ZNF564: variants seen among roughly 807,000 people sequenced by gnomAD.
The protein encoded by ZNF564 is zinc finger protein 564.
Under a neutral mutation model 10.5 loss-of-function variants are expected in ZNF564, and 5 were observed. The ratio of observed to expected loss-of-function variants is 0.48; its 90% CI spans 0.25 to 1.00. ZNF564 has a LOEUF of 1.00. Ranked by LOEUF, ZNF564 falls within the 50% of genes least tolerant of loss-of-function variation. The pLI is 0.16. For synonymous variants in ZNF564, 242 were observed against 218.1 expected (o/e 1.11, Z -0.97); for missense variants, 603 against 669.7 (o/e 0.90, Z 1.10).
chr19:12,528,361 T>A lies in ZNF564; in HGVS notation c.134A>T (p.Lys45Ile). The A allele has an allele frequency of 1.2e-6, 2 of 1,604,626 alleles. No homozygotes were observed. Among genetic ancestry groups the A allele is most frequent in the Non-Finnish European group, 1.7e-6 (2 of 1,177,944 alleles). Reference sequence around the variant, plus strand: ...TTCAATGCTCTGGTCTTCCCATTTTTTTCCTAAAATATAGTCAGAAAAAAT... The same window carrying A: ...TTCAATGCTCTGGTCTTCCCATTTTATTCCTAAAATATAGTCAGAAAAAAT... Reference protein sequence around the residue: ...ETFRNLACVGKKWEDQSIEDW... With the variant: ...ETFRNLACVGIKWEDQSIEDW... Residue 45 changes from lysine (K) to isoleucine (I), a missense_variant, in exon 3 of 4, where the codon AAA becomes ATA. Physicochemically the swap from Lys to Ile is moderately radical, Grantham distance 102. Coordinates refer to ENST00000339282, the MANE Select transcript of ZNF564 (RefSeq NM_144976.4).
At chr19:12,528,537 A>C (rs576726800) in intron 2 of ZNF564, 33 bp downstream of exon 2, 2 of 1,607,914 alleles carry the variant, frequency 1.2e-6, no homozygotes, top group South Asian at 2.2e-5. Flanking sequence ...TTCTTCTCTA[A>C]CTGACTAAAA....
At chr19:12,544,247 A>G (rs1034154409) in intron 1 of ZNF564, among the ~76,000 whole-genome samples, 1 of 152,106 alleles carries the variant, frequency 6.6e-6, no homozygotes, top group African/African-American at 2.4e-5. Flanking sequence ...CAGGGCATCT[A>G]TGTAGGGTAT....
intron 1 of ZNF564, among the ~76,000 whole-genome samples, chr19:12,544,243 A>C (rs1453677946): frequency 6.6e-6 from 1 of 152,184 alleles, no homozygotes; most frequent in African/African-American, 2.4e-5. Context: ...AAACCAGGGC[A>C]TCTATGTAGG....
chr19:12,549,796 G>T (rs1180199776), intron 1 of ZNF564, among the ~76,000 whole-genome samples: 2 of 152,162 alleles, frequency 1.3e-5, no homozygotes, highest in Non-Finnish European at 2.9e-5. Flanking sequence ...GAGTGACCCA[G>T]GGGTTGATAA....
At chr19:12,539,725 A>C (rs1308509366) in intron 1 of ZNF564, among the ~76,000 whole-genome samples, 2 of 145,208 alleles carry the variant, frequency 1.4e-5, no homozygotes, top group Non-Finnish European at 1.5e-5. Flanking sequence ...CCTGTAATCC[A>C]AGCACTTTGG....
chr19:12,548,407 G>A (rs913695647), intron 1 of ZNF564, among the ~76,000 whole-genome samples: 4 of 151,920 alleles, frequency 2.6e-5, no homozygotes, highest in African/African-American at 7.2e-5. Flanking sequence ...AGTAGAGACC[G>A]GGTTTCACTG....
Position 12,527,861 on chromosome 19 carries a change from C to T in ZNF564, c.247G>A (p.Ala83Thr). The change falls in exon 4 of 4, where the codon GCC becomes ACC. Residue 83 changes from alanine to threonine, a missense_variant. Coordinates refer to ENST00000339282, the MANE Select transcript of ZNF564 (RefSeq NM_144976.4). ...ESKEYDQCGE[A>T]FSQILNLNLN... ...TTAAGATTGAGAATCTGACTGAAGG[C>T]TTCTCCACATTGATCATATTCTTTA... is the stretch of plus-strand genomic sequence containing the variant. 1 of 1,613,728 alleles carries T rather than the reference C, an allele frequency of 6.2e-7. No homozygotes were observed. The highest frequency in any genetic ancestry group is 1.7e-4 in the Middle Eastern group (1 of 6,060).
intron 1 of ZNF564, among the ~76,000 whole-genome samples, chr19:12,536,706 A>T (rs1035043729): frequency 2.0e-5 from 3 of 152,084 alleles, no homozygotes; most frequent in Admixed American, 2.0e-4. Context: ...TTCGTATAAG[A>T]TATGTATTGG....
Position 12,526,709 on chromosome 19 carries a change from G to C in ZNF564, c.1399C>G (p.His467Asp). Reference protein sequence around the residue: ...AFDCPSSVRTHERTHTGEKPY... With the variant: ...AFDCPSSVRTDERTHTGEKPY... ...TTTTCTCCAGTATGAGTTCTTTCAT[G>C]TGTTCGGACAGAACTAGGACAGTCA... is the stretch of plus-strand genomic sequence containing the variant. The change falls in exon 4 of 4, where the codon CAT (histidine) becomes GAT (aspartate). Residue 467 changes from histidine to aspartate, a missense_variant. Transcript: ENST00000339282. The C allele has an allele frequency of 6.2e-7, 1 of 1,614,152 alleles. No individual in the cohort carries two copies. The highest frequency in any genetic ancestry group is 1.1e-5 in the South Asian group (1 of 91,088).
At chr19:12,551,253 G>A in intron 1 of ZNF564, 77 bp downstream of exon 1, 1 of 1,511,816 alleles carries the variant, frequency 6.6e-7, no homozygotes. Flanking sequence ...GGAGGCCAGG[G>A]TGCTTCCACA....
chr19:12,527,613 A>C lies in ZNF564; in HGVS notation c.495T>G (p.Gly165=). The C allele has an allele frequency of 5.0e-6, 8 of 1,613,892 alleles. No individual in the cohort carries two copies. The highest frequency in any genetic ancestry group is 6.8e-6 in the Non-Finnish European group (8 of 1,179,944). Residue 165 remains glycine, a synonymous_variant, in exon 4 of 4, where the codon GGT becomes GGG. Coordinates refer to ENST00000339282, the MANE Select transcript of ZNF564 (RefSeq NM_144976.4). ...ATTCCGGACATGCATAGGGTTTCTC[A>C]CCAGTGTGAGTTCTTTCATGTCTTC... ...SFRRHERTHT[G]EKPYACPECG... is the part of the protein sequence containing the mutation.
At position 12,551,233 on chromosome 19, in the gene ZNF564, G is replaced by A. The variant is rs868472057; in HGVS notation, c.3+97C>T. 5.7e-5 allele frequency: 80 copies of A among 1,397,930 alleles called. 3 individuals carry two copies. In the Middle Eastern group the frequency reaches 5.3e-3, roughly 92 times the overall value. 86.6% of individuals were successfully genotyped at this position (1,397,930 alleles called of 1,614,324 possible). ...GGGAACTCGGGTCCCAGACCCTGGA[G>A]TCGCTGCAGGGAGGCCAGGGTGCTT... is the stretch of plus-strand genomic sequence containing the variant. On this transcript the variant is annotated intron_variant, in intron 1 of 3. Coordinates refer to ENST00000339282, the MANE Select transcript of ZNF564 (RefSeq NM_144976.4).
chr19:12,532,572 T>A (rs918703616), intron 1 of ZNF564, among the ~76,000 whole-genome samples: 5 of 149,122 alleles, frequency 3.4e-5, no homozygotes, highest in African/African-American at 7.4e-5. Context: ...ATTTTTTTTT[T>A]AATTAACCAG....
At position 12,526,572 on chromosome 19, in the gene ZNF564, T is replaced by C. The variant is rs949222177; in HGVS notation, c.1536A>G (p.Lys512=). The C allele has an allele frequency of 6.2e-7, 1 of 1,614,164 alleles. No individual in the cohort carries two copies. Among genetic ancestry groups the C allele is most frequent in the Non-Finnish European group, 8.5e-7 (1 of 1,180,036 alleles). ...EKPYECKQCG[K]TFSYSSSFQR... is the part of the protein sequence containing the mutation. ...GAAAGGAACTGGAATAACTGAACGT[T>C]TTTCCACATTGCTTACATTCATAGG... The change falls in exon 4 of 4, where the codon AAA becomes AAG. Residue 512 remains lysine, a synonymous_variant. Coordinates refer to ENST00000339282, the MANE Select transcript of ZNF564 (RefSeq NM_144976.4).
chr19:12,541,190 G>A (rs1568265827), intron 1 of ZNF564, among the ~76,000 whole-genome samples: 1 of 151,228 alleles, frequency 6.6e-6, no homozygotes, highest in Non-Finnish European at 1.5e-5. Context: ...AGTCTAGGCT[G>A]CAGTGAGCCA....
At chr19:12,538,166 A>G (rs1214839640) in intron 1 of ZNF564, among the ~76,000 whole-genome samples, 1 of 152,054 alleles carries the variant, frequency 6.6e-6, no homozygotes, top group African/African-American at 2.4e-5. Context: ...TTACACTGTT[A>G]ATATATAAAT....
intron 1 of ZNF564, among the ~76,000 whole-genome samples, chr19:12,539,033 G>C (rs1340995543): frequency 6.6e-6 from 1 of 150,378 alleles, no homozygotes; most frequent in African/African-American, 2.4e-5. Context: ...TTCAAGACCA[G>C]CCTGGCTAAT....
rs1363385391 is a variant in ZNF564, at chr19:12,527,154, A to G, written c.954T>C (p.Phe318=). 1 of 1,614,164 alleles carries G rather than the reference A, an allele frequency of 6.2e-7. No individual in the cohort carries two copies. The highest frequency in any genetic ancestry group is 1.1e-5 in the South Asian group (1 of 91,080). ...GCTTTCGAACATAACTGGGAAAAAT[A>G]AAGGCTCTCCCACATACTTTACATT... is the stretch of plus-strand genomic sequence containing the variant. ...PYKCKVCGRA[F]IFPSYVRKHE... is the part of the protein sequence containing the mutation. The change falls in exon 4 of 4, where the codon TTT becomes TTC. Residue 318 remains phenylalanine, a synonymous_variant. Transcript: ENST00000339282.
At chr19:12,530,853 A>G (rs1288028337) in intron 1 of ZNF564, among the ~76,000 whole-genome samples, 1 of 152,112 alleles carries the variant, frequency 6.6e-6, no homozygotes, top group Non-Finnish European at 1.5e-5. Context: ...TGAAGCCTTG[A>G]TCTCCTGGGC....
Sources: gnomAD v4.1 joint callset for allele counts (sites outside exome capture counted in the v4.1 genomes callset) on GRCh38, gnomAD v4.1.1 for gene constraint, MANE v1.5 for transcripts, NCBI Gene and HGNC (gene_info 2026-07-23, HGNC 2026-07-21) for gene names.